Variants in DNM3 observed in about 807,000 individuals in gnomAD.
DNM3 encodes the protein dynamin-3.
DNM3 carries 47 observed loss-of-function variants against 101.6 expected under a neutral mutation model. That is an observed-to-expected ratio of 0.46 (90% CI 0.37 to 0.59). The LOEUF is 0.59. Among genes scored for constraint, DNM3 ranks in the 20% least tolerant of loss-of-function variants. The pLI is 0.00. For synonymous variants in DNM3, 385 were observed against 387.9 expected (o/e 0.99, Z 0.09); for missense variants, 849 against 1,085.7 (o/e 0.78, Z 3.06).
chr1:172,113,297 T>C (rs767798771), intron 13 of DNM3, among the ~76,000 whole-genome samples: 10 of 152,218 alleles, frequency 6.6e-5, no homozygotes, highest in Non-Finnish European at 1.0e-4. Context: ...GATTCCCTCA[T>C]TTAATTTTCA....
chr1:172,043,341 G>C (rs1287146569), intron 8 of DNM3, among the ~76,000 whole-genome samples: 1 of 152,156 alleles, frequency 6.6e-6, no homozygotes, highest in Non-Finnish European at 1.5e-5. Flanking sequence ...TTCTGTTTTG[G>C]ATGTGCTAAG....
At chr1:172,123,656 G>A (rs2056450470) in intron 13 of DNM3, among the ~76,000 whole-genome samples, 2 of 152,188 alleles carry the variant, frequency 1.3e-5, no homozygotes, top group African/African-American at 4.8e-5. Flanking sequence ...CAGAAAGATA[G>A]GCCCAGGACT....
chr1:172,116,721 T>C (rs1481230792), intron 13 of DNM3, among the ~76,000 whole-genome samples: 1 of 152,192 alleles, frequency 6.6e-6, no homozygotes, highest in Non-Finnish European at 1.5e-5. Context: ...AAAAGGTGTG[T>C]TTATCTTGAT....
intron 17 of DNM3, among the ~76,000 whole-genome samples, chr1:172,369,788 G>C (rs1244263724): frequency 1.3e-5 from 2 of 151,838 alleles, no homozygotes; most frequent in Non-Finnish European, 2.9e-5. Context: ...TGCTAGAGAT[G>C]CCATAACAAA....
rs148234132 is a variant in DNM3 at position 172,385,771 on chromosome 1, C to G, written c.2059-1362C>G. The stretch of plus-strand genomic sequence containing the variant: ...TTTTTAACAATTAAATATATACTTG[C>G]GTTTGGCCTTTCTTAAAGATATTCA... On this transcript the variant is annotated intron_variant, in intron 18 of 20. Transcript: ENST00000627582. Among the ~76,000 whole-genome samples, 8 of 152,198 alleles carry G rather than the reference C, an allele frequency of 5.3e-5. No homozygotes were observed. In the East Asian group the frequency reaches 1.5e-3, roughly 29 times the overall value.
chr1:172,320,893 C>A (rs894736113), intron 16 of DNM3, among the ~76,000 whole-genome samples: 6 of 152,126 alleles, frequency 3.9e-5, no homozygotes, highest in African/African-American at 1.4e-4. Context: ...GGTGCAAATC[C>A]AGTTTTGCAT....
At position 172,378,994 on chromosome 1, in the gene DNM3, A is replaced by T. The variant is rs770671672; in HGVS notation, c.1894-24A>T. The T allele has an allele frequency of 1.9e-6, 3 of 1,602,342 alleles. No homozygotes were observed. In the Admixed American group the frequency reaches 5.2e-5, roughly 28 times the overall value. ...CTTCTGAGTGAATATGAGATAATCC[A>T]TGGTTTGTTTTCTCTTCTTTTAGGC... On this transcript the variant is annotated intron_variant, in intron 17 of 20. Transcript: ENST00000627582.
intron 17 of DNM3, among the ~76,000 whole-genome samples, chr1:172,335,276 G>A (rs754059453): frequency 1.6e-4 from 24 of 152,138 alleles, no homozygotes; most frequent in Non-Finnish European, 2.9e-4. Context: ...AGAGTTTTTC[G>A]GGGATAAAGG....
intron 20 of DNM3, chr1:172,393,576 G>GACTT (rs1458516113): frequency 6.0e-5 from 9 of 148,920 alleles, no homozygotes; most frequent in African/African-American, 2.2e-4. Flanking sequence ...AAAACCTCCT[G>GACTT]ACTTACTGTC....
At chr1:172,400,721 C>T (rs112533410) in intron 20 of DNM3, among the ~76,000 whole-genome samples, 22 of 152,254 alleles carry the variant, frequency 1.4e-4, no homozygotes, top group Non-Finnish European at 2.6e-4. Flanking sequence ...AAAAATCCTT[C>T]ATGTTACCTG....
At chr1:172,147,861 A>C (rs1432704287) in intron 14 of DNM3, among the ~76,000 whole-genome samples, 1 of 152,108 alleles carries the variant, frequency 6.6e-6, no homozygotes, top group Non-Finnish European at 1.5e-5. Context: ...ACTAATGGTA[A>C]CTGTTTGGCA....
rs2148062382 is a variant in DNM3, at chr1:172,128,843, T to C, written c.1546-2332T>C. Among the ~76,000 whole-genome samples, 4 of 152,300 alleles carry C rather than the reference T, an allele frequency of 2.6e-5. No homozygotes were observed. In the South Asian group the frequency reaches 8.3e-4, roughly 32 times the overall value. On this transcript the variant is annotated intron_variant, in intron 13 of 20. Transcript: ENST00000627582. Reference sequence around the variant, plus strand: ...TAGATATTTCTTCAGTAGGTTCATTTCCTTTTAACTTTATACATCATGGCT... The same window carrying C: ...TAGATATTTCTTCAGTAGGTTCATTCCCTTTTAACTTTATACATCATGGCT...
intron 17 of DNM3, among the ~76,000 whole-genome samples, chr1:172,339,886 G>A (rs967309085): frequency 2.6e-5 from 4 of 152,204 alleles, no homozygotes; most frequent in Non-Finnish European, 5.9e-5. Context: ...ATAGAAAGGT[G>A]TGCTCAGGGT....
intron 14 of DNM3, among the ~76,000 whole-genome samples, chr1:172,189,468 A>G (rs2059629175): frequency 6.6e-6 from 1 of 152,084 alleles, no homozygotes; most frequent in Non-Finnish European, 1.5e-5. Context: ...AATGTAATTG[A>G]GTCTCCCTAT....
At chr1:171,868,996 T>C (rs918957794) in intron 1 of DNM3, among the ~76,000 whole-genome samples, 1 of 152,168 alleles carries the variant, frequency 6.6e-6, no homozygotes, top group Non-Finnish European at 1.5e-5. Flanking sequence ...TTGGTCAGGC[T>C]GGTCTCGACC....
At chr1:172,127,504 G>T (rs1558612185) in intron 13 of DNM3, among the ~76,000 whole-genome samples, 1 of 151,446 alleles carries the variant, frequency 6.6e-6, no homozygotes, top group East Asian at 1.9e-4. Context: ...TGCCTCCTGT[G>T]TTCGAGTGAT....
At chr1:172,073,829 C>T (rs2052416892) in intron 11 of DNM3, among the ~76,000 whole-genome samples, 4 of 152,128 alleles carry the variant, frequency 2.6e-5, no homozygotes, top group Admixed American at 2.6e-4. Flanking sequence ...GTTGGGAGAA[C>T]ACAAGGAAAC....
intron 15 of DNM3, among the ~76,000 whole-genome samples, chr1:172,285,980 C>T (rs746587646): frequency 9.9e-5 from 15 of 151,974 alleles, no homozygotes; most frequent in African/African-American, 2.9e-4. Flanking sequence ...TCTTGACCTA[C>T]GTTATGCCTT....
intron 14 of DNM3, among the ~76,000 whole-genome samples, chr1:172,225,110 A>C (rs149676447): frequency 1.0e-3 from 133 of 130,768 alleles, no homozygotes; most frequent in African/African-American, 3.8e-3. Flanking sequence ...CTTTGGTGGC[A>C]TGTCCCTCCT....
Sources: allele counts gnomAD v4.1 joint callset (sites outside exome capture counted in the v4.1 genomes callset), GRCh38; gene constraint gnomAD v4.1.1; transcripts MANE v1.5; gene names NCBI Gene and HGNC (gene_info 2026-07-23, HGNC 2026-07-21).